Variants in ARHGAP22 observed in about 807,000 individuals in gnomAD.
ARHGAP22 encodes the protein Rho GTPase activating protein 22, also known as rho GTPase-activating protein 22.
A neutral mutation model predicts 59.1 loss-of-function variants in ARHGAP22; 48 were observed. That is an observed-to-expected ratio of 0.81 (90% CI 0.64 to 1.03). ARHGAP22 has a LOEUF of 1.03. Among genes scored for constraint, ARHGAP22 ranks in the 50% least tolerant of loss-of-function variants. ARHGAP22 has a pLI of 0.00. For missense variants in ARHGAP22, 1,015 were observed against 958.7 expected (o/e 1.06, Z -0.78); for synonymous variants, 445 against 416.4 (o/e 1.07, Z -0.84).
chr10:48,435,043 CG>C, the ARHGAP22 span: 26 of 249,190 alleles, frequency 1.0e-4, no homozygotes, highest in East Asian at 3.4e-4. Context: ...CTTGGGCCAT[CG>C]GGGGGTGGGA....
At chr10:48,493,359 C>A in intron 3 of ARHGAP22, 1 of 1,394,892 alleles carries the variant, frequency 7.2e-7, no homozygotes, top group South Asian at 1.3e-5. Context: ...AACACCACTT[C>A]CCTTTCAAGG....
Position 48,611,423 on chromosome 10 carries a change from G to C in ARHGAP22, c.53-28271C>G, listed in dbSNP as rs571160505. Among the ~76,000 whole-genome samples the C allele has an allele frequency of 2.6e-5, 4 of 152,254 alleles. No individual in the cohort carries two copies. The East Asian group carries it at 5.8e-4, about 22-fold the overall frequency. On this transcript the variant is annotated intron_variant, in intron 1 of 9. Transcript: ENST00000435790. ...GCTGCCCCCCTTCCTAGAAAAGAAG[G>C]GGGGAGGTCGCTGCATCAGCTGCCC...
chr10:48,480,976 C>G (rs2049250162), intron 3 of ARHGAP22, among the ~76,000 whole-genome samples: 1 of 152,260 alleles, frequency 6.6e-6, no homozygotes, highest in African/African-American at 2.4e-5. Flanking sequence ...GAGGGCACCA[C>G]AGCGGGCCCG....
rs1018092761 is a variant in ARHGAP22 at position 48,602,648 on chromosome 10, C to G, written c.34+2115G>C. Among the ~76,000 whole-genome samples the G allele has an allele frequency of 6.6e-5, 10 of 152,192 alleles. No individual in the cohort carries two copies. In the East Asian group the frequency reaches 1.9e-3, roughly 29 times the overall value. On this transcript the variant is annotated intron_variant, in intron 1 of 9. Transcript: ENST00000249601. ...GCTATTCATCCACTCACTCAAAAAA[C>G]ACAGGTTGAGTGTCCACCAGGTACC...
At chr10:48,632,997 A>G (rs1404228484) in intron 1 of ARHGAP22, among the ~76,000 whole-genome samples, 3 of 152,006 alleles carry the variant, frequency 2.0e-5, no homozygotes, top group Admixed American at 2.0e-4. Context: ...CTGCCAGAGG[A>G]CATCACCTGC....
At chr10:48,566,846 A>G (rs1197075212) in intron 2 of ARHGAP22, among the ~76,000 whole-genome samples, 2 of 152,014 alleles carry the variant, frequency 1.3e-5, no homozygotes, top group South Asian at 2.1e-4. Context: ...ATCCCTCCCA[A>G]CTGGCCACAG....
At chr10:48,556,506 A>G (rs770749325) in intron 2 of ARHGAP22, 1 of 152,136 alleles carries the variant, frequency 6.6e-6, no homozygotes, top group South Asian at 2.1e-4. Flanking sequence ...GCTTCACTAC[A>G]TATTTTTGGT....
intron 3 of ARHGAP22, among the ~76,000 whole-genome samples, chr10:48,542,524 G>A (rs2056056732): frequency 6.6e-6 from 1 of 152,164 alleles, no homozygotes. Flanking sequence ...CCTGTGAGTG[G>A]GTTTTCCTGG....
chr10:48,561,166 A>G (rs2057663484), intron 2 of ARHGAP22, among the ~76,000 whole-genome samples: 1 of 152,198 alleles, frequency 6.6e-6, no homozygotes, highest in Non-Finnish European at 1.5e-5. Flanking sequence ...TAGAAAGATC[A>G]GAATAGACCC....
intron 8 of ARHGAP22, 29 bp downstream of exon 8, chr10:48,453,275 C>G: frequency 6.2e-7 from 1 of 1,612,158 alleles, no homozygotes; most frequent in Non-Finnish European, 8.5e-7. Context: ...CGGCAGCACC[C>G]AGGGCCACCA....
chr10:48,547,666 T>C (rs1349900445), intron 3 of ARHGAP22, among the ~76,000 whole-genome samples: 1 of 152,182 alleles, frequency 6.6e-6, no homozygotes, highest in East Asian at 1.9e-4. Context: ...CTCCTCCTTT[T>C]CCTCAGATCC....
chr10:48,459,938 T>A, intron 4 of ARHGAP22, 47 bp from the exon 5 acceptor site: 1 of 1,572,318 alleles, frequency 6.4e-7, no homozygotes, highest in Non-Finnish European at 8.7e-7. Context: ...CCCAGCTCAG[T>A]GTTGGGTGCT....
chr10:48,521,034 G>GA (rs199635005), intron 3 of ARHGAP22, among the ~76,000 whole-genome samples: 1,662 of 152,214 alleles, frequency 0.011, 30 homozygotes, highest in African/African-American at 0.038. Flanking sequence ...AGATGCACCT[G>GA]GAAACATGCC....
intron 1 of ARHGAP22, among the ~76,000 whole-genome samples, chr10:48,589,917 C>T (rs2059648189): frequency 6.6e-6 from 1 of 152,144 alleles, no homozygotes; most frequent in Non-Finnish European, 1.5e-5. Context: ...AATCCAGCCC[C>T]AGCCTGGCAA....
chr10:48,611,313 T>C (rs183141339), intron 1 of ARHGAP22, among the ~76,000 whole-genome samples: 22 of 152,266 alleles, frequency 1.4e-4, no homozygotes, highest in Admixed American at 3.9e-4. Flanking sequence ...AGTTAGAGGC[T>C]GAGACGAAAG....
At chr10:48,611,487 C>A (rs1373655549) in intron 1 of ARHGAP22, among the ~76,000 whole-genome samples, 1 of 152,148 alleles carries the variant, frequency 6.6e-6, no homozygotes, top group African/African-American at 2.4e-5. Context: ...CCAACCGTAC[C>A]AACAAGGAAG....
intron 3 of ARHGAP22, among the ~76,000 whole-genome samples, chr10:48,488,333 C>T (rs2134182047): frequency 6.6e-6 from 1 of 152,290 alleles, no homozygotes; most frequent in Middle Eastern, 3.4e-3. Flanking sequence ...AAATCTGTGT[C>T]ATTTCTGGGT....
At position 48,450,806 on chromosome 10, in the gene ARHGAP22, G is replaced by C; in HGVS notation, c.1323C>G (p.Ser441Arg). 6.3e-7 allele frequency: 1 copy of C among 1,578,768 alleles called. No individual in the cohort carries two copies. The highest frequency in any genetic ancestry group is 1.2e-5 in the South Asian group (1 of 84,940). ...SFRQPRSLSGSPKGGGSSLEV... is the reference protein window; with the variant it reads ...SFRQPRSLSGRPKGGGSSLEV... ...CCAGGGATGAGCCGCCCCCCTTCGGGCTTCCCGATAGGGACCTCGGCTGCC... is the reference window on the plus strand; with the variant it reads ...CCAGGGATGAGCCGCCCCCCTTCGGCCTTCCCGATAGGGACCTCGGCTGCC... Residue 441 changes from serine (S) to arginine (R), a missense_variant, in exon 9 of 10, where the codon AGC becomes AGG. Ser to Arg is a moderately radical substitution (Grantham distance 110). Coordinates refer to ENST00000249601, the MANE Select transcript of ARHGAP22 (RefSeq NM_021226.4).
intron 2 of ARHGAP22, among the ~76,000 whole-genome samples, chr10:48,559,123 C>G (rs559480911): frequency 6.6e-6 from 1 of 152,330 alleles, no homozygotes; most frequent in South Asian, 2.1e-4. Flanking sequence ...AAGTGAGTGT[C>G]AGCACTTTGC....
Sources: gnomAD v4.1 joint callset for allele counts (sites outside exome capture counted in the v4.1 genomes callset) on GRCh38, gnomAD v4.1.1 for gene constraint, MANE v1.5 for transcripts, NCBI Gene and HGNC (gene_info 2026-07-23, HGNC 2026-07-21) for gene names.